PCSK2: variants seen among roughly 807,000 people sequenced by gnomAD.
PCSK2 encodes the protein neuroendocrine convertase 2.
In PCSK2, 14 loss-of-function variants were observed where a neutral mutation model predicts 69.7. The observed-to-expected ratio is 0.20, with a 90% CI of 0.13 to 0.31. The LOEUF (loss-of-function observed/expected upper bound fraction) is 0.31, where lower values mean the gene tolerates loss of function less well. Among genes scored for constraint, PCSK2 ranks in the 10% least tolerant of loss-of-function variants. PCSK2 has a pLI of 1.00. For missense variants in PCSK2, 544 were observed against 842.5 expected, an observed-to-expected ratio of 0.65 and a Z score of 4.39; for synonymous variants, 307 against 320.7, an observed-to-expected ratio of 0.96 and a Z score of 0.46.
chr20:17,335,193 T>TG lies in PCSK2; in HGVS notation c.283-23127dup, dbSNP rs1555789076. Among the ~76,000 whole-genome samples the TG allele has an allele frequency of 5.9e-5, 9 of 151,506 alleles. 1 individual carries two copies. The highest frequency in any genetic ancestry group is 6.6e-5 in the Admixed American group (1 of 15,248). On this transcript the variant is annotated intron_variant, in intron 2 of 11. Coordinates refer to ENST00000262545, the MANE Select transcript of PCSK2 (RefSeq NM_002594.5). ...CTTGCAGTCAGACGGCAGCGGAGAT[T>TG]GGGGGGGTTGTCTGAAGACTCAACA...
intron 8 of PCSK2, among the ~76,000 whole-genome samples, chr20:17,445,980 C>A (rs1466901200): frequency 3.3e-5 from 5 of 152,200 alleles, no homozygotes; most frequent in African/African-American, 1.2e-4. Context: ...TTGAAAAGTC[C>A]TACATCTCAG....
At chr20:17,259,588 A>G (rs1340444925) in intron 1 of PCSK2, among the ~76,000 whole-genome samples, 1 of 152,204 alleles carries the variant, frequency 6.6e-6, no homozygotes, top group African/African-American at 2.4e-5. Context: ...CAAGACTCTT[A>G]GAGGCCCTGT....
At chr20:17,462,081 G>A (rs904760784) in intron 10 of PCSK2, among the ~76,000 whole-genome samples, 1 of 152,098 alleles carries the variant, frequency 6.6e-6, no homozygotes, top group African/African-American at 2.4e-5. Context: ...GATACCCTAA[G>A]CCCACTGGAG....
intron 2 of PCSK2, among the ~76,000 whole-genome samples, chr20:17,325,786 G>A (rs1241497819): frequency 6.6e-6 from 1 of 152,106 alleles, no homozygotes; most frequent in African/African-American, 2.4e-5. Context: ...GCTAGCCCAG[G>A]CATGTTATTC....
Position 17,303,480 on chromosome 20 carries a change from ATATAT to A in PCSK2, c.282+43137_282+43141del, listed in dbSNP as rs1429946911. Among the ~76,000 whole-genome samples, 35 of 49,190 alleles carry A rather than the reference ATATAT, an allele frequency of 7.1e-4. 1 individual carries two copies. The highest frequency in any genetic ancestry group is 1.3e-3 in the Non-Finnish European group (32 of 24,430). The allele number at this position is 49,190 out of a possible 152,430, so 32.3% of individuals were successfully genotyped here. ...TTAAATATAATATATATTATATATAATATATATTATATTTAATATAATATATATTA... is the reference window on the plus strand; with the variant it reads ...TTAAATATAATATATATTATATATAAATTATATTTAATATAATATATATTA... On this transcript the variant is annotated intron_variant, in intron 2 of 11. Transcript: ENST00000262545.
rs1235463095 is a variant in PCSK2, at chr20:17,280,002, A to AAC, written c.282+19663_282+19664dup. Among the ~76,000 whole-genome samples the AAC allele has an allele frequency of 2.6e-5, 4 of 152,114 alleles. No individual in the cohort carries two copies. The East Asian group carries it at 7.7e-4, about 29-fold the overall frequency. ...ACAAATGTAGAAGACAAAAAAAAAA[A>AAC]ACACACTTGTTCCAAATCAAGCTTA... On this transcript the variant is annotated intron_variant, in intron 2 of 11. Transcript: ENST00000262545.
intron 2 of PCSK2, among the ~76,000 whole-genome samples, chr20:17,330,244 T>C (rs1990174529): frequency 6.6e-6 from 1 of 152,124 alleles, no homozygotes; most frequent in South Asian, 2.1e-4. Flanking sequence ...TATGGGACAA[T>C]ACAGCTCTAG....
intron 2 of PCSK2, among the ~76,000 whole-genome samples, chr20:17,347,799 A>G (rs1453577619): frequency 1.3e-5 from 1 of 77,588 alleles, no homozygotes; most frequent in African/African-American, 5.1e-5. Flanking sequence ...AAAGAAAGAA[A>G]GAAAGAAAGA....
chr20:17,320,199 CT>C (rs1416235473), intron 2 of PCSK2, among the ~76,000 whole-genome samples: 2 of 152,136 alleles, frequency 1.3e-5, no homozygotes, highest in Non-Finnish European at 2.9e-5. Context: ...GAGAACTGTC[CT>C]ACTGCAAAAG....
intron 5 of PCSK2, among the ~76,000 whole-genome samples, chr20:17,393,323 C>T (rs955971083): frequency 2.6e-5 from 4 of 152,232 alleles, no homozygotes; most frequent in African/African-American, 9.6e-5. Flanking sequence ...AAGTATATCT[C>T]AAGATTTTTA....
chr20:17,275,496 A>G (rs1329411078), intron 2 of PCSK2, among the ~76,000 whole-genome samples: 1 of 151,968 alleles, frequency 6.6e-6, no homozygotes. Context: ...TATGATAGAA[A>G]GAAAGGTTCG....
At chr20:17,249,182 C>T (rs1428054611) in intron 1 of PCSK2, among the ~76,000 whole-genome samples, 1 of 152,134 alleles carries the variant, frequency 6.6e-6, no homozygotes. Flanking sequence ...ACATTTTTAA[C>T]TTGCATCTTG....
At chr20:17,277,423 CAACT>C in intron 2 of PCSK2, among the ~76,000 whole-genome samples, 1 of 152,254 alleles carries the variant, frequency 6.6e-6, no homozygotes, top group African/African-American at 2.4e-5. Flanking sequence ...CGCATGTCTA[CAACT>C]ATCTGATCTT....
chr20:17,341,547 T>G (rs1397849655), intron 2 of PCSK2, among the ~76,000 whole-genome samples: 1 of 152,224 alleles, frequency 6.6e-6, no homozygotes, highest in South Asian at 2.1e-4. Context: ...TCAGGAACCC[T>G]GCAGAGATGG....
At chr20:17,368,691 C>T (rs2030671985) in intron 4 of PCSK2, among the ~76,000 whole-genome samples, 1 of 152,148 alleles carries the variant, frequency 6.6e-6, no homozygotes, top group African/African-American at 2.4e-5. Flanking sequence ...AGGGCTCCTG[C>T]TGAGACATTC....
intron 11 of PCSK2, among the ~76,000 whole-genome samples, chr20:17,476,376 T>C (rs726257): frequency 0.23 from 35,617 of 152,112 alleles, 4,738 homozygotes; most frequent in East Asian, 0.39. Flanking sequence ...TTAGTTAAAA[T>C]TGAATAAAAT....
chr20:17,444,617 A>G (rs1198496128), intron 8 of PCSK2, among the ~76,000 whole-genome samples: 1 of 152,232 alleles, frequency 6.6e-6, no homozygotes, highest in African/African-American at 2.4e-5. Flanking sequence ...TCCTAGAAGC[A>G]GATCCTGAGG....
chr20:17,253,122 A>G (rs1434283108), intron 1 of PCSK2, among the ~76,000 whole-genome samples: 1 of 152,206 alleles, frequency 6.6e-6, no homozygotes, highest in African/African-American at 2.4e-5. Flanking sequence ...TTCCTAGGAT[A>G]TATCCTACAG....
intron 1 of PCSK2, among the ~76,000 whole-genome samples, chr20:17,241,106 A>G (rs986479683): frequency 6.6e-6 from 1 of 152,190 alleles, no homozygotes; most frequent in African/African-American, 2.4e-5. Context: ...TGATAGATTT[A>G]ATATATAGTG....
Sources: allele counts gnomAD v4.1 joint callset (sites outside exome capture counted in the v4.1 genomes callset), GRCh38; gene constraint gnomAD v4.1.1; transcripts MANE v1.5; gene names NCBI Gene and HGNC (gene_info 2026-07-23, HGNC 2026-07-21).